Variants in METTL16 observed in about 807,000 individuals in gnomAD.
METTL16 encodes the protein RNA N(6)-adenosine-methyltransferase METTL16.
METTL16 carries 19 observed loss-of-function variants against 57.9 expected under a neutral mutation model. That is an observed-to-expected ratio of 0.33 (90% CI 0.23 to 0.48). The LOEUF is 0.48. METTL16 is among the 20% of genes least tolerant of loss of function. The pLI, the probability that METTL16 is intolerant of heterozygous loss-of-function variation, is 0.99. For missense variants in METTL16, 434 were observed against 691.5 expected, an observed-to-expected ratio of 0.63 and a Z score of 4.18; for synonymous variants, 246 against 255.6, an observed-to-expected ratio of 0.96 and a Z score of 0.36.
chr17:2,501,497 C>T (rs1344515373), intron 2 of METTL16, among the ~76,000 whole-genome samples: 1 of 152,150 alleles, frequency 6.6e-6, no homozygotes, highest in Non-Finnish European at 1.5e-5. Context: ...ATAATAATAT[C>T]TGTGAAATCA....
At chr17:2,424,088 T>TTTTAC (rs1369467823) in intron 8 of METTL16, 1 of 69,472 alleles carries the variant, frequency 1.4e-5, no homozygotes, top group Non-Finnish European at 2.6e-5. Flanking sequence ...AAAATTTTCC[T>TTTTAC]TTTATTTTAT....
chr17:2,450,301 C>CA (rs1177907396), intron 6 of METTL16, among the ~76,000 whole-genome samples: 1 of 152,158 alleles, frequency 6.6e-6, no homozygotes, highest in Admixed American at 6.5e-5. Flanking sequence ...GCCACTGACA[C>CA]AAAAAATCAT....
At chr17:2,424,217 C>T (rs1007469827) in intron 8 of METTL16, 1 of 149,844 alleles carries the variant, frequency 6.7e-6, no homozygotes, top group Non-Finnish European at 1.5e-5. Flanking sequence ...GGGTTCACGC[C>T]ATTCTCCTGC....
chr17:2,491,285 T>G (rs577911747), intron 2 of METTL16, among the ~76,000 whole-genome samples: 1 of 152,354 alleles, frequency 6.6e-6, no homozygotes, highest in African/African-American at 2.4e-5. Context: ...CAAAATAGCC[T>G]ATTGTCAACA....
At position 2,426,228 on chromosome 17, in the gene METTL16, C is replaced by CT; in HGVS notation, c.889-5325dup. Among the ~76,000 whole-genome samples, 3 of 152,132 alleles carry CT rather than the reference C, an allele frequency of 2.0e-5. No individual in the cohort carries two copies. The South Asian group carries it at 6.2e-4, about 32-fold the overall frequency. On this transcript the variant is annotated intron_variant, in intron 8 of 9. Transcript: ENST00000263092. Reference sequence around the variant, plus strand: ...GAGGAGACCCCAGTGCAGTGGCCGTCTGTTTTTTAAAAGAGATAGGGAGTT... The same window carrying CT: ...GAGGAGACCCCAGTGCAGTGGCCGTCTTGTTTTTTAAAAGAGATAGGGAGTT...
At chr17:2,501,845 G>T (rs1372633431) in intron 2 of METTL16, among the ~76,000 whole-genome samples, 1 of 148,894 alleles carries the variant, frequency 6.7e-6, no homozygotes, top group African/African-American at 2.5e-5. Context: ...GCAACAGAGC[G>T]AGACTTTGTC....
intron 2 of METTL16, among the ~76,000 whole-genome samples, chr17:2,499,961 C>T (rs748735355): frequency 6.6e-6 from 1 of 151,996 alleles, no homozygotes; most frequent in African/African-American, 2.4e-5. Flanking sequence ...GCTTTGTTGG[C>T]CAGGCTGGTC....
chr17:2,495,099 C>T (rs2067433080), intron 2 of METTL16, among the ~76,000 whole-genome samples: 1 of 151,296 alleles, frequency 6.6e-6, no homozygotes, highest in African/African-American at 2.4e-5. Flanking sequence ...CCTGTAATCC[C>T]AATACTTTCA....
chr17:2,483,426 G>A (rs2067320777), intron 2 of METTL16, among the ~76,000 whole-genome samples: 1 of 152,166 alleles, frequency 6.6e-6, no homozygotes, highest in Non-Finnish European at 1.5e-5. Context: ...TAGGACAGTG[G>A]AAGCAGAAGT....
intron 6 of METTL16, among the ~76,000 whole-genome samples, chr17:2,453,025 A>G (rs2067082307): frequency 6.6e-6 from 1 of 151,966 alleles, no homozygotes; most frequent in Admixed American, 6.6e-5. Flanking sequence ...ACAACAGGCT[A>G]ATTTTTGTAT....
rs1164826295 is a variant in METTL16 at position 2,445,053 on chromosome 17, T to C, written c.729-3494A>G. ...TTTTAGTAGAGACAGGGTTTCACCA[T>C]GTTAGCCACAATGGTCTCCATCTCC... On this transcript the variant is annotated intron_variant, in intron 6 of 9. Coordinates refer to ENST00000263092, the MANE Select transcript of METTL16 (RefSeq NM_024086.4). Among the ~76,000 whole-genome samples the C allele has an allele frequency of 1.3e-5, 2 of 152,152 alleles. 1 individual carries two copies. Among genetic ancestry groups the C allele is most frequent in the Non-Finnish European group, 2.9e-5 (2 of 68,030 alleles).
chr17:2,495,603 AAGAAT>A (rs1411479328), intron 2 of METTL16, among the ~76,000 whole-genome samples: 2 of 148,442 alleles, frequency 1.3e-5, no homozygotes, highest in African/African-American at 2.5e-5. Flanking sequence ...GCTGAGGCAG[AAGAAT>A]CCCTTGAACC....
At chr17:2,432,095 C>A (rs1380397298) in intron 8 of METTL16, among the ~76,000 whole-genome samples, 1 of 152,122 alleles carries the variant, frequency 6.6e-6, no homozygotes, top group East Asian at 1.9e-4. Context: ...TAGGCGCGCA[C>A]CACCATGTCC....
intron 5 of METTL16, among the ~76,000 whole-genome samples, chr17:2,465,614 G>C (rs1170015093): frequency 6.7e-6 from 1 of 148,524 alleles, no homozygotes; most frequent in Non-Finnish European, 1.5e-5. Flanking sequence ...TGTAATCCTA[G>C]CATCTGGGGA....
rs1440470619 is a variant in METTL16, at chr17:2,416,482, C to G, written c.*3488G>C. ...ATATACTAAAGTAATCTACACGAAG[C>G]TTAGGATGAGTTGAAAGGGTACTGC... On this transcript the variant is annotated 3_prime_UTR_variant, in exon 10 of 10. Coordinates refer to ENST00000263092, the MANE Select transcript of METTL16 (RefSeq NM_024086.4). The G allele has an allele frequency of 6.6e-6, 1 of 152,148 alleles. No homozygotes were observed. The highest frequency in any genetic ancestry group is 1.5e-5 in the Non-Finnish European group (1 of 68,044). The allele number at this position is 152,148 out of a possible 1,614,324, so 9.4% of individuals were successfully genotyped here.
intron 6 of METTL16, among the ~76,000 whole-genome samples, chr17:2,449,536 C>A (rs377375369): frequency 3.2e-4 from 38 of 117,784 alleles, no homozygotes; most frequent in African/African-American, 1.6e-3. Flanking sequence ...AAAAAACAAA[C>A]AAAAAAAAAC....
chr17:2,507,550 G>T (rs2067553814), intron 1 of METTL16, among the ~76,000 whole-genome samples: 1 of 151,490 alleles, frequency 6.6e-6, no homozygotes, highest in African/African-American at 2.4e-5. Flanking sequence ...CGGGAGGTGA[G>T]GGGCGCCTCT....
intron 1 of METTL16, among the ~76,000 whole-genome samples, chr17:2,507,100 C>A (rs1414668095): frequency 2.0e-5 from 3 of 151,114 alleles, no homozygotes; most frequent in Non-Finnish European, 4.4e-5. Context: ...GCCTGGCCAG[C>A]CGCCCCGTCC....
In METTL16 at chr17:2,464,228, T is replaced by C. The variant is rs1484134775; in HGVS notation, c.708A>G (p.Leu236=). Reference sequence around the variant, plus strand: ...CTTACCTTAATCTTTTTTTAAGTTGTAGACTGTCATGGATGATCCTTTTAA... The same window carrying C: ...CTTACCTTAATCTTTTTTTAAGTTGCAGACTGTCATGGATGATCCTTTTAA... ...EFVKRIIHDS[L]QLKKRLRWYS... The change falls in exon 6 of 10, where the codon CTA becomes CTG. Residue 236 remains leucine, a synonymous_variant. Transcript: ENST00000263092. 2.5e-6 allele frequency: 4 copies of C among 1,612,228 alleles called. No homozygotes were observed. The highest frequency in any genetic ancestry group is 3.4e-6 in the Non-Finnish European group (4 of 1,179,530).
Sources: allele counts gnomAD v4.1 joint callset (sites outside exome capture counted in the v4.1 genomes callset), GRCh38; gene constraint gnomAD v4.1.1; transcripts MANE v1.5; gene names NCBI Gene and HGNC (gene_info 2026-07-23, HGNC 2026-07-21).